ARL14EPL: variants seen among roughly 807,000 people sequenced by gnomAD.
ARL14EPL encodes the protein ARL14 effector protein-like.
Under a neutral mutation model 15.9 loss-of-function variants are expected in ARL14EPL, and 17 were observed. The observed-to-expected ratio is 1.07, with a 90% CI of 0.73 to 1.60. The LOEUF (loss-of-function observed/expected upper bound fraction) is 1.60. Among genes scored for constraint, ARL14EPL ranks in the 40% most tolerant of loss-of-function variants. The pLI is 0.00. For missense variants in ARL14EPL, 214 were observed against 185.9 expected (o/e 1.15, Z -0.88); for synonymous variants, 78 against 63.8 (o/e 1.22, Z -1.06).
chr5:116,044,839 T>C (rs1236765479), intron 1 of ARL14EPL, among the ~76,000 whole-genome samples: 1 of 152,200 alleles, frequency 6.6e-6, no homozygotes, highest in Non-Finnish European at 1.5e-5. Context: ...GGCCTTCTCA[T>C]TTTCCCTTGA....
intron 3 of ARL14EPL, among the ~76,000 whole-genome samples, chr5:116,056,825 T>A (rs192707933): frequency 0.046 from 6,977 of 152,276 alleles, 260 homozygotes; most frequent in Middle Eastern, 0.082. Context: ...AATTTTTGTA[T>A]AAGGTGTAAG....
intron 1 of ARL14EPL, among the ~76,000 whole-genome samples, chr5:116,046,414 A>G (rs1311762948): frequency 6.6e-6 from 1 of 152,206 alleles, no homozygotes; most frequent in African/African-American, 2.4e-5. Flanking sequence ...TACCTGCCAC[A>G]GCATCCTAAA....
chr5:116,038,290 G>A (rs916666606), intron 1 of ARL14EPL, among the ~76,000 whole-genome samples: 4 of 152,156 alleles, frequency 2.6e-5, no homozygotes, highest in African/African-American at 4.8e-5. Context: ...GGGCTGATAC[G>A]GGAGACAAGT....
In ARL14EPL at chr5:116,059,199, C is replaced by T. The variant is rs1237572337; in HGVS notation, c.*252C>T. On this transcript the variant is annotated 3_prime_UTR_variant, in exon 4 of 4. Transcript: ENST00000686077. ...GAGGGATCAGCATTTCTCATCAGCA[C>T]CCTCATCTCTACTCTGCCTTCAAAT... 3 of 471,620 alleles carry T rather than the reference C, an allele frequency of 6.4e-6. No homozygotes were observed. Among genetic ancestry groups the T allele is most frequent in the African/African-American group, 3.9e-5 (2 of 51,392 alleles). The allele number at this position is 471,620 out of a possible 1,614,324, so 29.2% of individuals were successfully genotyped here.
At chr5:116,052,050 G>A (rs1013104011) in intron 2 of ARL14EPL, 237 of 1,612,388 alleles carry the variant, frequency 1.5e-4, no homozygotes, top group Non-Finnish European at 1.9e-4. Context: ...AGGGAGCCTC[G>A]AATCTTCAGT....
At chr5:116,052,184 C>A (rs1344855547) in intron 2 of ARL14EPL, 1 of 1,609,210 alleles carries the variant, frequency 6.2e-7, no homozygotes, top group African/African-American at 1.3e-5. Context: ...GCCTTTGGAC[C>A]ACTTCTTCTT....
At chr5:116,052,173 T>C in intron 2 of ARL14EPL, 1 of 1,610,320 alleles carries the variant, frequency 6.2e-7, no homozygotes. Context: ...TCCCGAACTT[T>C]GCCTTTGGAC....
At chr5:116,057,311 CTT>C (rs1160504927) in intron 3 of ARL14EPL, among the ~76,000 whole-genome samples, 1 of 151,890 alleles carries the variant, frequency 6.6e-6, no homozygotes, top group East Asian at 1.9e-4. Flanking sequence ...CTGTAACACT[CTT>C]TTGTTAAGCT....
chr5:116,057,807 C>G (rs1489364344), intron 3 of ARL14EPL, among the ~76,000 whole-genome samples: 4 of 152,140 alleles, frequency 2.6e-5, no homozygotes, highest in African/African-American at 9.7e-5. Flanking sequence ...TGCTTAGGGA[C>G]AAAGGGTGCA....
At chr5:116,041,658 C>T (rs554424758) in intron 1 of ARL14EPL, among the ~76,000 whole-genome samples, 3 of 152,244 alleles carry the variant, frequency 2.0e-5, no homozygotes, top group East Asian at 3.9e-4. Flanking sequence ...TAGACAACCC[C>T]TGACACCCCC....
intron 1 of ARL14EPL, among the ~76,000 whole-genome samples, chr5:116,050,046 A>G (rs1431387881): frequency 6.6e-6 from 1 of 152,236 alleles, no homozygotes; most frequent in Non-Finnish European, 1.5e-5. Flanking sequence ...TTATGAATAT[A>G]TGCATTTTAA....
At chr5:116,051,734 G>A (rs1036631286) in intron 2 of ARL14EPL, among the ~76,000 whole-genome samples, 173 bp downstream of exon 2, 4 of 152,222 alleles carry the variant, frequency 2.6e-5, no homozygotes, top group African/African-American at 9.6e-5. Flanking sequence ...ACTGCGGGCT[G>A]CTCTCGCCTC....
intron 3 of ARL14EPL, among the ~76,000 whole-genome samples, chr5:116,054,884 TA>T (rs1405386452): frequency 6.6e-6 from 1 of 150,988 alleles, no homozygotes; most frequent in African/African-American, 2.4e-5. Flanking sequence ...AAGAAAACTA[TA>T]AAGGAAAATG....
chr5:116,034,974 G>A (rs1419513096), intron 1 of ARL14EPL, among the ~76,000 whole-genome samples: 1 of 152,164 alleles, frequency 6.6e-6, no homozygotes, highest in Non-Finnish European at 1.5e-5. Context: ...GGATGAAGGA[G>A]TATAAGATTT....
In ARL14EPL at chr5:116,051,654, C is replaced by T. The variant is rs979835199; in HGVS notation, c.96+93C>T. 4.7e-6 allele frequency: 5 copies of T among 1,061,074 alleles called. No individual in the cohort carries two copies. In the African/African-American group the frequency reaches 6.4e-5, roughly 14 times the overall value. 65.7% of individuals were successfully genotyped at this position (1,061,074 alleles called of 1,614,324 possible). On this transcript the variant is annotated intron_variant, in intron 2 of 3. Coordinates refer to ENST00000686077, the MANE Select transcript of ARL14EPL (RefSeq NM_001195581.2). ...CATGGATGTGGGTGGGAAGGTGGGC[C>T]CAGGCAGGACCTCACAGGGAGGAGC...
At chr5:116,044,819 G>A (rs1375859737) in intron 1 of ARL14EPL, among the ~76,000 whole-genome samples, 4 of 152,082 alleles carry the variant, frequency 2.6e-5, no homozygotes, top group Admixed American at 2.0e-4. Context: ...AACTGTAGAA[G>A]CACCTTTGAG....
At position 116,059,012 on chromosome 5, in the gene ARL14EPL, G is replaced by A. The variant is rs764465125; in HGVS notation, c.*65G>A. 1.4e-6 allele frequency: 2 copies of A among 1,463,642 alleles called. No individual in the cohort carries two copies. The allele number at this position is 1,463,642 out of a possible 1,614,324, so 90.7% of individuals were successfully genotyped here. A position where few individuals can be genotyped will look rare whatever the true frequency, so the allele number is the denominator to read the frequency against. On this transcript the variant is annotated 3_prime_UTR_variant, in exon 4 of 4. Transcript: ENST00000686077. ...ACATTTAAGTTGACCTCTTTCTTTT[G>A]GGTGAATTTTAGGGCTTGGGGGAAA...
intron 1 of ARL14EPL, among the ~76,000 whole-genome samples, chr5:116,041,907 C>T (rs1749166933): frequency 6.6e-6 from 1 of 152,156 alleles, no homozygotes. Flanking sequence ...CGGCTCACTG[C>T]AGCCTCAACT....
Position 116,051,537 on chromosome 5 carries a change from C to A in ARL14EPL, c.72C>A (p.Asn24Lys). ...RHTDHSFPEK[N>K]CQIGQKQLQQ... The stretch of plus-strand genomic sequence containing the variant: ...CAGATCATAGTTTTCCTGAGAAGAA[C>A]TGTCAAATTGGACAGAAACAACTGG... The change falls in exon 2 of 4, where the codon AAC becomes AAA. Residue 24 changes from asparagine to lysine, a missense_variant. Transcript: ENST00000686077. 6.5e-7 allele frequency: 1 copy of A among 1,534,882 alleles called. No homozygotes were observed. The highest frequency in any genetic ancestry group is 1.4e-5 in the African/African-American group (1 of 73,150).
Sources: gnomAD v4.1 joint callset for allele counts (sites outside exome capture counted in the v4.1 genomes callset) on GRCh38, gnomAD v4.1.1 for gene constraint, MANE v1.5 for transcripts, NCBI Gene and HGNC (gene_info 2026-07-23, HGNC 2026-07-21) for gene names.